The following PID1 variants were observed in gnomAD, a reference collection of about 807,000 sequenced individuals.
The protein encoded by PID1 is PTB-containing, cubilin and LRP1-interacting protein.
In PID1, 10 loss-of-function variants were observed where a neutral mutation model predicts 19.1. The observed-to-expected ratio is 0.52, with a 90% CI of 0.32 to 0.89. The LOEUF is 0.89. Among genes scored for constraint, PID1 ranks in the 40% least tolerant of loss-of-function variants. PID1 has a pLI of 0.03. For missense variants in PID1, 248 were observed against 285.3 expected (o/e 0.87, Z 0.94); for synonymous variants, 130 against 116.0 (o/e 1.12, Z -0.78).
chr2:229,204,743 C>G (rs1178670747), intron 1 of PID1, among the ~76,000 whole-genome samples: 2 of 152,060 alleles, frequency 1.3e-5, no homozygotes, highest in Admixed American at 1.3e-4. Context: ...AACCTCAGAA[C>G]AGTGAGGACT....
intron 1 of PID1, among the ~76,000 whole-genome samples, chr2:229,191,390 G>A (rs1352434291): frequency 5.9e-5 from 9 of 152,144 alleles, no homozygotes; most frequent in Admixed American, 5.9e-4. Flanking sequence ...TCAAGAGAAA[G>A]GAATGAAATG....
rs189279413 is a variant in PID1 at position 229,206,402 on chromosome 2, A to G, written c.31-50438T>C. Reference sequence around the variant, plus strand: ...TATGAATGACAGAGAAACAATAAACAATGTATAAGAAAGTAAGAAACTCAT... The same window carrying G: ...TATGAATGACAGAGAAACAATAAACGATGTATAAGAAAGTAAGAAACTCAT... On this transcript the variant is annotated intron_variant, in intron 1 of 2. Coordinates refer to ENST00000392055, the MANE Select transcript of PID1 (RefSeq NM_001100818.2). Among the ~76,000 whole-genome samples the G allele has an allele frequency of 1.6e-4, 24 of 152,302 alleles. No individual in the cohort carries two copies. In the East Asian group the frequency reaches 3.7e-3, roughly 23 times the overall value.
chr2:229,233,594 C>T (rs56208988), intron 1 of PID1, among the ~76,000 whole-genome samples: 22,485 of 151,454 alleles, frequency 0.15, 2,097 homozygotes, highest in Admixed American at 0.24. Context: ...CGGGTTCAAG[C>T]GATTCTCTTG....
chr2:229,042,635 T>C (rs1693794638), intron 2 of PID1, among the ~76,000 whole-genome samples: 2 of 152,168 alleles, frequency 1.3e-5, no homozygotes, highest in South Asian at 2.1e-4. Flanking sequence ...ATACACCAGG[T>C]TAAAAATAGT....
intron 1 of PID1, among the ~76,000 whole-genome samples, chr2:229,252,226 A>C (rs1559303684): frequency 6.6e-6 from 1 of 152,242 alleles, no homozygotes; most frequent in Non-Finnish European, 1.5e-5. Context: ...CATTAATTAT[A>C]GGGAAAGGAG....
intron 2 of PID1, among the ~76,000 whole-genome samples, chr2:229,079,715 A>T (rs1312029991): frequency 6.6e-6 from 1 of 152,240 alleles, no homozygotes; most frequent in African/African-American, 2.4e-5. Flanking sequence ...AAGATGTAAG[A>T]TGAGACCAAT....
intron 1 of PID1, among the ~76,000 whole-genome samples, chr2:229,226,405 T>A (rs1290649208): frequency 6.6e-6 from 1 of 152,224 alleles, no homozygotes; most frequent in African/African-American, 2.4e-5. Flanking sequence ...TGTTGCTGAA[T>A]CCAGCAGTAA....
intron 2 of PID1, among the ~76,000 whole-genome samples, chr2:229,036,444 C>T (rs1693665014): frequency 6.6e-6 from 1 of 152,160 alleles, no homozygotes; most frequent in South Asian, 2.1e-4. Context: ...ATCTACTTCA[C>T]TTCATCAGGA....
intron 1 of PID1, among the ~76,000 whole-genome samples, chr2:229,214,630 T>TA (rs1329096940): frequency 5.3e-5 from 8 of 152,162 alleles, no homozygotes; most frequent in Non-Finnish European, 8.8e-5. Flanking sequence ...CTGTTCACTG[T>TA]AAAAAATAAA....
rs138704483 is a variant in PID1, at chr2:229,051,883, C to T, written c.178-25775G>A. 7.8e-3 allele frequency among the ~76,000 whole-genome samples: 1,184 copies of T among 152,192 alleles called. 9 individuals are homozygous for T. The highest frequency in any genetic ancestry group is 0.031 in the Middle Eastern group (9 of 294). ...AACACATTCTTCCTATAACATTGGC[C>T]TAAATTCTTCACATCCTGTCTAAAG... On this transcript the variant is annotated intron_variant, in intron 2 of 2. Coordinates refer to ENST00000392055, the MANE Select transcript of PID1 (RefSeq NM_001100818.2).
chr2:229,263,400 G>T (rs1053849176), intron 1 of PID1, among the ~76,000 whole-genome samples: 1 of 152,150 alleles, frequency 6.6e-6, no homozygotes, highest in Non-Finnish European at 1.5e-5. Context: ...AGGAGGAAAA[G>T]GCTATTTCCC....
chr2:229,151,718 C>T (rs1167688984), intron 2 of PID1, among the ~76,000 whole-genome samples: 3 of 151,948 alleles, frequency 2.0e-5, no homozygotes, highest in Non-Finnish European at 1.5e-5. Flanking sequence ...CGACAGGTGC[C>T]CACCACCACG....
chr2:229,033,471 GT>G (rs1693597857), intron 2 of PID1, among the ~76,000 whole-genome samples: 1 of 151,926 alleles, frequency 6.6e-6, no homozygotes. Flanking sequence ...ATAAGTGGGA[GT>G]TGAACAATGA....
intron 1 of PID1, among the ~76,000 whole-genome samples, chr2:229,241,253 G>A (rs1228231996): frequency 2.0e-5 from 3 of 151,840 alleles, no homozygotes; most frequent in Admixed American, 2.0e-4. Flanking sequence ...AATTTTTTTA[G>A]TTTACACTGA....
At chr2:229,174,288 CTCAAT>C (rs777798199) in intron 1 of PID1, among the ~76,000 whole-genome samples, 26 of 152,088 alleles carry the variant, frequency 1.7e-4, no homozygotes, top group Non-Finnish European at 2.9e-4. Context: ...CTTAGTCCAT[CTCAAT>C]TCAATTCAAT....
chr2:229,097,750 G>A (rs796620734), intron 2 of PID1, among the ~76,000 whole-genome samples: 13 of 152,042 alleles, frequency 8.6e-5, no homozygotes, highest in South Asian at 6.2e-4. Flanking sequence ...TTTTCTAACC[G>A]AAAAAGCTGA....
intron 1 of PID1, among the ~76,000 whole-genome samples, chr2:229,176,417 C>G (rs1212310064): frequency 6.6e-6 from 1 of 152,192 alleles, no homozygotes; most frequent in Non-Finnish European, 1.5e-5. Flanking sequence ...CCCCATATAG[C>G]CTGTGCTGTA....
intron 2 of PID1, among the ~76,000 whole-genome samples, chr2:229,091,317 A>T (rs1037880820): frequency 6.6e-6 from 1 of 151,986 alleles, no homozygotes; most frequent in African/African-American, 2.4e-5. Flanking sequence ...AATAAGTAAG[A>T]GAGTCTATTC....
At chr2:229,202,481 G>A (rs577168497) in intron 1 of PID1, among the ~76,000 whole-genome samples, 9 of 152,140 alleles carry the variant, frequency 5.9e-5, no homozygotes, top group African/African-American at 9.6e-5. Flanking sequence ...TGGCAGGTAA[G>A]GGGTTTGGCA....
Sources: allele counts gnomAD v4.1 joint callset (sites outside exome capture counted in the v4.1 genomes callset), GRCh38; gene constraint gnomAD v4.1.1; transcripts MANE v1.5; gene names NCBI Gene and HGNC (gene_info 2026-07-23, HGNC 2026-07-21).